The following IL1RAP variants were observed in gnomAD, a reference collection of about 807,000 sequenced individuals.
IL1RAP encodes the protein interleukin-1 receptor accessory protein.
In IL1RAP, 35 loss-of-function variants were observed where a neutral mutation model predicts 60.7. That is an observed-to-expected ratio of 0.58 (90% CI 0.44 to 0.76). The LOEUF is 0.76. IL1RAP is among the 30% of genes least tolerant of loss of function. The pLI is 0.00. For missense variants in IL1RAP, 572 were observed against 693.9 expected, an observed-to-expected ratio of 0.82 and a Z score of 1.97; for synonymous variants, 268 against 250.9, an observed-to-expected ratio of 1.07 and a Z score of -0.64.
At chr3:190,609,276 C>T in intron 5 of IL1RAP, 95 bp downstream of exon 5, 2 of 826,494 alleles carry the variant, frequency 2.4e-6, no homozygotes, top group Non-Finnish European at 3.7e-6. Context: ...AGGTGTTTCT[C>T]TTCAGATTAT....
In IL1RAP at chr3:190,594,576, A is replaced by G. The variant is rs535259170; in HGVS notation, c.65-9552A>G. Among the ~76,000 whole-genome samples, 11 of 152,334 alleles carry G rather than the reference A, an allele frequency of 7.2e-5. No homozygotes were observed. In the South Asian group the frequency reaches 1.7e-3, roughly 23 times the overall value. On this transcript the variant is annotated intron_variant, in intron 3 of 11. Transcript: ENST00000447382. Reference sequence around the variant, plus strand: ...ATATGACAAATTTCAAACCTTTTCTATTAGCCAGAACCTAGTCACCTGACC... The same window carrying G: ...ATATGACAAATTTCAAACCTTTTCTGTTAGCCAGAACCTAGTCACCTGACC...
intron 11 of IL1RAP, among the ~76,000 whole-genome samples, chr3:190,647,816 T>C (rs1734122750): frequency 6.6e-6 from 1 of 152,198 alleles, no homozygotes; most frequent in Non-Finnish European, 1.5e-5. Context: ...TTTCAGAAGA[T>C]GAAGGTCTCT....
chr3:190,579,397 A>G (rs757692019), intron 3 of IL1RAP, among the ~76,000 whole-genome samples: 2 of 152,184 alleles, frequency 1.3e-5, no homozygotes, highest in Non-Finnish European at 2.9e-5. Flanking sequence ...TTAGAATAGC[A>G]TTGTAAAATA....
intron 3 of IL1RAP, among the ~76,000 whole-genome samples, chr3:190,589,033 C>T (rs1728712910): frequency 6.6e-6 from 1 of 152,158 alleles, no homozygotes; most frequent in Non-Finnish European, 1.5e-5. Flanking sequence ...CATTCCCTAG[C>T]CCCTCTGGTG....
chr3:190,619,936 A>G (rs1187459679), intron 5 of IL1RAP, among the ~76,000 whole-genome samples: 3 of 152,118 alleles, frequency 2.0e-5, no homozygotes, highest in Non-Finnish European at 4.4e-5. Context: ...CAGGTCTTGC[A>G]GTTGCTCAAG....
chr3:190,607,454 C>T (rs1008723909), intron 4 of IL1RAP, among the ~76,000 whole-genome samples: 4 of 152,094 alleles, frequency 2.6e-5, no homozygotes, highest in Admixed American at 1.3e-4. Context: ...ACATAAATAG[C>T]GTTGTGGGAC....
chr3:190,520,391 G>T (rs955884014), intron 1 of IL1RAP: 2 of 152,038 alleles, frequency 1.3e-5, no homozygotes, highest in Non-Finnish European at 2.9e-5. Context: ...TAATTTTGTG[G>T]TCACAAAATC....
chr3:190,554,381 C>T (rs1180490827), intron 1 of IL1RAP, among the ~76,000 whole-genome samples: 1 of 152,126 alleles, frequency 6.6e-6, no homozygotes, highest in Admixed American at 6.5e-5. Flanking sequence ...GCAGGCTCCT[C>T]CCCCCTGCAA....
chr3:190,515,354 A>G (rs1721423386), intron 1 of IL1RAP, among the ~76,000 whole-genome samples: 1 of 151,898 alleles, frequency 6.6e-6, no homozygotes, highest in Non-Finnish European at 1.5e-5. Flanking sequence ...CTGGCCTGGC[A>G]TCTGGTTGGT....
intron 3 of IL1RAP, among the ~76,000 whole-genome samples, chr3:190,578,073 G>A (rs1264670583): frequency 6.6e-6 from 1 of 152,150 alleles, no homozygotes; most frequent in Admixed American, 6.5e-5. Flanking sequence ...GGTGGGAGGA[G>A]GACACAGGTT....
At chr3:190,529,109 C>A (rs1192237745) in intron 1 of IL1RAP, among the ~76,000 whole-genome samples, 1 of 152,186 alleles carries the variant, frequency 6.6e-6, no homozygotes, top group East Asian at 1.9e-4. Flanking sequence ...TGGAAAAGGA[C>A]AGATTGGAGC....
intron 1 of IL1RAP, among the ~76,000 whole-genome samples, chr3:190,551,530 AAAC>A (rs1407571750): frequency 1.3e-5 from 2 of 152,240 alleles, no homozygotes; most frequent in African/African-American, 4.8e-5. Flanking sequence ...CTGAAAAACA[AAAC>A]AAAGATCAGC....
At chr3:190,624,822 C>G (rs1732096341) in intron 7 of IL1RAP, 1 of 161,382 alleles carries the variant, frequency 6.2e-6, no homozygotes. Context: ...CACATACAGC[C>G]CTGATGCGTA....
At chr3:190,538,676 G>A (rs1447973108) in intron 1 of IL1RAP, among the ~76,000 whole-genome samples, 1 of 152,118 alleles carries the variant, frequency 6.6e-6, no homozygotes, top group East Asian at 1.9e-4. Context: ...CTAGTACAAA[G>A]GGACTGATAT....
At chr3:190,524,948 G>A (rs1577500624) in intron 1 of IL1RAP, among the ~76,000 whole-genome samples, 2 of 151,966 alleles carry the variant, frequency 1.3e-5, no homozygotes, top group Non-Finnish European at 1.5e-5. Context: ...GGAGTGTTGA[G>A]TATATATTTA....
At chr3:190,629,216 G>C in intron 8 of IL1RAP, 134 bp from the exon 9 acceptor site, 1 of 599,656 alleles carries the variant, frequency 1.7e-6, no homozygotes, top group East Asian at 2.8e-5. Context: ...TGCATTATAG[G>C]TGGCTCAGCT....
intron 8 of IL1RAP, 97 bp from the exon 9 acceptor site, chr3:190,629,253 A>AGT: frequency 1.3e-6 from 1 of 782,358 alleles, no homozygotes; most frequent in East Asian, 2.7e-5. Context: ...CCTCACCTGT[A>AGT]GTGGGGGTCT....
intron 1 of IL1RAP, among the ~76,000 whole-genome samples, 180 bp downstream of exon 1, chr3:190,514,399 G>T (rs1292745731): frequency 6.6e-6 from 1 of 152,186 alleles, no homozygotes; most frequent in Non-Finnish European, 1.5e-5. Flanking sequence ...GCCCGGATTC[G>T]AACCCAAACG....
At chr3:190,636,039 C>A (rs1030696428) in intron 9 of IL1RAP, among the ~76,000 whole-genome samples, 1 of 152,048 alleles carries the variant, frequency 6.6e-6, no homozygotes, top group African/African-American at 2.4e-5. Flanking sequence ...AATTTCTAAT[C>A]TTTTATTTAA....
Sources: allele counts gnomAD v4.1 joint callset (sites outside exome capture counted in the v4.1 genomes callset), GRCh38; gene constraint gnomAD v4.1.1; transcripts MANE v1.5; gene names NCBI Gene and HGNC (gene_info 2026-07-23, HGNC 2026-07-21).